WDR72: variants seen among roughly 807,000 people sequenced by gnomAD.
WDR72 encodes WD repeat domain 72, also known as WD repeat-containing protein 72.
Under a neutral mutation model 124.2 loss-of-function variants are expected in WDR72, and 120 were observed. That is an observed-to-expected ratio of 0.97 (90% CI 0.83 to 1.12). WDR72 has a LOEUF of 1.12. Ranked by LOEUF, WDR72 falls within the 50% of genes most tolerant of loss-of-function variation. The probability of loss-of-function intolerance (pLI) is 0.00; values close to 1 mark genes in which losing one functional copy is unlikely to be tolerated. For missense variants in WDR72, 1,387 were observed against 1,278.8 expected (o/e 1.08, Z -1.29); for synonymous variants, 452 against 441.7 (o/e 1.02, Z -0.29).
At chr15:53,734,049 T>C (rs1012611078) in intron 1 of WDR72, among the ~76,000 whole-genome samples, 1 of 152,206 alleles carries the variant, frequency 6.6e-6, no homozygotes, top group African/African-American at 2.4e-5. Flanking sequence ...GAAAACCTTC[T>C]GTCCTGCAGG....
Position 53,706,027 on chromosome 15 carries a change from C to CA in WDR72, c.1001_1002insT (p.Glu334AspfsTer23). On this transcript the variant is annotated frameshift_variant, in exon 10 of 20. Coordinates refer to ENST00000360509, the MANE Select transcript of WDR72 (RefSeq NM_182758.4). LOFTEE classifies it high-confidence loss of function. Reference sequence around the variant, plus strand: ...CAGAGAAAAGTACCTTGTAAAAAGGCTCTTTCCTTTCATTCATGTAGCCCA... The same window carrying CA: ...CAGAGAAAAGTACCTTGTAAAAAGGCATCTTTCCTTTCATTCATGTAGCCCA... 6.2e-7 allele frequency: 1 copy of CA among 1,614,032 alleles called. No homozygotes were observed. Among genetic ancestry groups the CA allele is most frequent in the Non-Finnish European group, 8.5e-7 (1 of 1,179,982 alleles).
intron 1 of WDR72, among the ~76,000 whole-genome samples, chr15:53,740,900 A>T (rs2018491783): frequency 6.6e-6 from 1 of 152,238 alleles, no homozygotes; most frequent in African/African-American, 2.4e-5. Flanking sequence ...TGTGAGAATG[A>T]AATGAGATCA....
intron 18 of WDR72, among the ~76,000 whole-genome samples, chr15:53,587,006 G>T (rs994038011): frequency 1.3e-5 from 2 of 152,018 alleles, no homozygotes; most frequent in African/African-American, 4.8e-5. Context: ...CCCCTAGGGG[G>T]AGGCTTTGGA....
At chr15:53,608,956 G>C (rs2013412056) in intron 17 of WDR72, among the ~76,000 whole-genome samples, 1 of 151,892 alleles carries the variant, frequency 6.6e-6, no homozygotes, top group Non-Finnish European at 1.5e-5. Flanking sequence ...GGTGATTATA[G>C]TCAATAATAA....
chr15:53,655,608 G>A (rs1277373559), intron 14 of WDR72, among the ~76,000 whole-genome samples: 2 of 152,106 alleles, frequency 1.3e-5, no homozygotes, highest in African/African-American at 4.8e-5. Context: ...TGCTACCAGA[G>A]AATCAATGGA....
chr15:53,624,671 T>G (rs149460706), intron 14 of WDR72, among the ~76,000 whole-genome samples: 1 of 152,348 alleles, frequency 6.6e-6, no homozygotes, highest in East Asian at 1.9e-4. Context: ...TATTCCAAAT[T>G]TAATTAACAT....
chr15:53,676,912 G>A (rs1422031047), intron 13 of WDR72, among the ~76,000 whole-genome samples: 1 of 147,612 alleles, frequency 6.8e-6, no homozygotes, highest in Admixed American at 6.8e-5. Context: ...TATTTTATAC[G>A]TGAAATTCTT....
intron 14 of WDR72, among the ~76,000 whole-genome samples, chr15:53,623,004 TACTC>T (rs2014061533): frequency 6.6e-6 from 1 of 152,146 alleles, no homozygotes; most frequent in South Asian, 2.1e-4. Flanking sequence ...ATTTGTAAAA[TACTC>T]ATACCATCAC....
Position 53,631,844 on chromosome 15 carries a change from G to T in WDR72, c.1963-15601C>A, listed in dbSNP as rs543146184. On this transcript the variant is annotated intron_variant, in intron 14 of 19. Coordinates refer to ENST00000360509, the MANE Select transcript of WDR72 (RefSeq NM_182758.4). ...CTAAGGATTGAAGCACTGAAGATGT[G>T]ACTTGGCTGCTTCTAAAAGCCTATC... Among the ~76,000 whole-genome samples the T allele has an allele frequency of 6.6e-5, 10 of 152,274 alleles. No individual in the cohort carries two copies. In the South Asian group the frequency reaches 2.1e-3, roughly 32 times the overall value.
intron 18 of WDR72, among the ~76,000 whole-genome samples, chr15:53,587,050 A>AT (rs2012249189): frequency 6.6e-6 from 1 of 151,974 alleles, no homozygotes; most frequent in Non-Finnish European, 1.5e-5. Flanking sequence ...TTTCTCAATG[A>AT]TTGTAGAGAC....
chr15:53,662,549 AT>A (rs2015642929), intron 14 of WDR72, among the ~76,000 whole-genome samples: 1 of 152,214 alleles, frequency 6.6e-6, no homozygotes, highest in Non-Finnish European at 1.5e-5. Flanking sequence ...AAATCCTGAA[AT>A]ACAAAGTAAC....
chr15:53,741,446 C>T (rs1482109842), intron 1 of WDR72, among the ~76,000 whole-genome samples: 1 of 152,146 alleles, frequency 6.6e-6, no homozygotes, highest in East Asian at 1.9e-4. Context: ...ACTTCCAGGG[C>T]TGCTTTTACC....
At chr15:53,638,107 G>A (rs1216697209) in intron 14 of WDR72, among the ~76,000 whole-genome samples, 1 of 152,122 alleles carries the variant, frequency 6.6e-6, no homozygotes, top group Non-Finnish European at 1.5e-5. Flanking sequence ...TAACTGTAAG[G>A]AATGAGGTGA....
chr15:53,623,082 A>G (rs578043105), intron 14 of WDR72, among the ~76,000 whole-genome samples: 1 of 152,318 alleles, frequency 6.6e-6, no homozygotes, highest in Admixed American at 6.5e-5. Flanking sequence ...TTAGTCTCAA[A>G]AAAGTGTAAA....
At chr15:53,669,229 C>T (rs990592509) in intron 13 of WDR72, among the ~76,000 whole-genome samples, 2 of 152,108 alleles carry the variant, frequency 1.3e-5, no homozygotes, top group Non-Finnish European at 2.9e-5. Flanking sequence ...AACAGCGCCT[C>T]CAGCAAGACA....
intron 2 of WDR72, among the ~76,000 whole-genome samples, chr15:53,730,194 A>G (rs1457418985): frequency 6.6e-6 from 1 of 152,198 alleles, no homozygotes; most frequent in African/African-American, 2.4e-5. Context: ...ACTTAAGAAG[A>G]AAGGAAATAC....
At chr15:53,627,989 T>G (rs2014278214) in intron 14 of WDR72, among the ~76,000 whole-genome samples, 1 of 152,200 alleles carries the variant, frequency 6.6e-6, no homozygotes, top group Admixed American at 6.5e-5. Context: ...TATACCACTT[T>G]CTACTTTCTG....
chr15:53,684,811 G>A (rs972355953), intron 13 of WDR72, among the ~76,000 whole-genome samples: 9 of 151,536 alleles, frequency 5.9e-5, no homozygotes, highest in African/African-American at 1.9e-4. Context: ...AAATGTCCCT[G>A]TCTGACAGCT....
chr15:53,604,978 C>T (rs1388007230), intron 17 of WDR72, among the ~76,000 whole-genome samples: 1 of 152,134 alleles, frequency 6.6e-6, no homozygotes, highest in African/African-American at 2.4e-5. Context: ...CCCAACAATC[C>T]CATTAGTGGA....
Sources: allele counts gnomAD v4.1 joint callset (sites outside exome capture counted in the v4.1 genomes callset), GRCh38; gene constraint gnomAD v4.1.1; transcripts MANE v1.5; gene names NCBI Gene and HGNC (gene_info 2026-07-23, HGNC 2026-07-21).